The following GABRG1 variants were observed in gnomAD, a reference collection of about 807,000 sequenced individuals.
GABRG1 encodes the protein gamma-aminobutyric acid receptor subunit gamma-1.
Under a neutral mutation model 49.8 loss-of-function variants are expected in GABRG1, and 49 were observed. The ratio of observed to expected loss-of-function variants is 0.98; its 90% CI spans 0.78 to 1.25. The LOEUF (loss-of-function observed/expected upper bound fraction) is 1.25, where lower values mean the gene tolerates loss of function less well. Ranked by LOEUF, GABRG1 falls within the 50% of genes most tolerant of loss-of-function variation. The probability of loss-of-function intolerance (pLI) is 0.00; values close to 1 mark genes in which losing one functional copy is unlikely to be tolerated. For synonymous variants in GABRG1, 232 were observed against 185.1 expected (o/e 1.25, Z -2.06); for missense variants, 552 against 552.3 (o/e 1.00, Z 0.01).
intron 3 of GABRG1, among the ~76,000 whole-genome samples, chr4:46,065,943 C>T (rs1371514212): frequency 6.6e-6 from 1 of 152,038 alleles, no homozygotes; most frequent in South Asian, 2.1e-4. Flanking sequence ...AGGATGGTCT[C>T]GATCTCCTGA....
intron 8 of GABRG1, among the ~76,000 whole-genome samples, chr4:46,049,060 A>G (rs1029333545): frequency 1.3e-5 from 2 of 151,832 alleles, no homozygotes; most frequent in African/African-American, 2.4e-5. Flanking sequence ...TAAAGGGAAA[A>G]TGCTGGATTT....
intron 1 of GABRG1, among the ~76,000 whole-genome samples, chr4:46,102,804 T>A (rs1272742887): frequency 6.6e-6 from 1 of 151,532 alleles, no homozygotes; most frequent in African/African-American, 2.4e-5. Context: ...CAAACAAGAG[T>A]TTCAAAATAA....
rs537253832 is a variant in GABRG1, at chr4:46,081,371, T to C, written c.321+2615A>G. 3.9e-5 allele frequency among the ~76,000 whole-genome samples: 6 copies of C among 151,976 alleles called. 1 individual carries two copies. Among genetic ancestry groups the C allele is most frequent in the African/African-American group, 1.2e-4 (5 of 41,534 alleles). On this transcript the variant is annotated intron_variant, in intron 3 of 8. Transcript: ENST00000295452. The stretch of plus-strand genomic sequence containing the variant: ...TCAATTTATCCACAGCCAGTTCATA[T>C]TTTCTTGCACTAATGTGACAAAGAT...
chr4:46,090,145 G>A (rs1056061476), intron 2 of GABRG1, among the ~76,000 whole-genome samples: 6 of 151,948 alleles, frequency 3.9e-5, no homozygotes, highest in East Asian at 1.9e-4. Flanking sequence ...GACAGAAAGC[G>A]ATACATACAA....
At chr4:46,091,970 GA>G (rs1361193295) in intron 2 of GABRG1, among the ~76,000 whole-genome samples, 1 of 151,984 alleles carries the variant, frequency 6.6e-6, no homozygotes, top group African/African-American at 2.4e-5. Flanking sequence ...GATTAATGTT[GA>G]AATGTGACTT....
intron 3 of GABRG1, among the ~76,000 whole-genome samples, chr4:46,074,341 A>C (rs1486174426): frequency 6.6e-6 from 1 of 152,152 alleles, no homozygotes; most frequent in Non-Finnish European, 1.5e-5. Context: ...TAAATTATTT[A>C]TATTATTACC....
intron 2 of GABRG1, among the ~76,000 whole-genome samples, chr4:46,096,736 T>C (rs931628579): frequency 6.6e-6 from 1 of 151,648 alleles, no homozygotes; most frequent in Non-Finnish European, 1.5e-5. Flanking sequence ...GCATCATACC[T>C]ACTAGTGAAA....
At chr4:46,066,624 A>T (rs1177979407) in intron 3 of GABRG1, among the ~76,000 whole-genome samples, 1 of 152,144 alleles carries the variant, frequency 6.6e-6, no homozygotes, top group Non-Finnish European at 1.5e-5. Flanking sequence ...GTGAAGTCTG[A>T]TGGGTTCCAA....
chr4:46,065,910 G>C (rs1577643520), intron 3 of GABRG1, among the ~76,000 whole-genome samples: 1 of 152,048 alleles, frequency 6.6e-6, no homozygotes, highest in Non-Finnish European at 1.5e-5. Context: ...TTTTAGTAGA[G>C]AGGGGGTTTC....
chr4:46,087,738 A>G (rs1719833381), intron 2 of GABRG1, among the ~76,000 whole-genome samples: 6 of 151,934 alleles, frequency 3.9e-5, no homozygotes, highest in Admixed American at 3.3e-4. Flanking sequence ...TCCCTAGACT[A>G]TACAGCAGAA....
At chr4:46,087,049 C>T (rs887922218) in intron 2 of GABRG1, among the ~76,000 whole-genome samples, 15 of 151,540 alleles carry the variant, frequency 9.9e-5, no homozygotes, top group Admixed American at 4.0e-4. Flanking sequence ...TTTATTCAAC[C>T]GATACATTCA....
At chr4:46,095,572 T>G (rs1720139748) in intron 2 of GABRG1, among the ~76,000 whole-genome samples, 1 of 151,666 alleles carries the variant, frequency 6.6e-6, no homozygotes, top group South Asian at 2.1e-4. Context: ...GACTGAATAA[T>G]AGACTGGCAT....
rs951872828 is a variant in GABRG1, at chr4:46,035,786, CTT to C, written c.*5200_*5201del. The C allele has an allele frequency of 6.6e-6, 1 of 151,856 alleles. No individual in the cohort carries two copies. The highest frequency in any genetic ancestry group is 2.4e-5 in the African/African-American group (1 of 41,410). The allele number at this position is 151,856 out of a possible 1,614,324, so 9.4% of individuals were successfully genotyped here. A position where few individuals can be genotyped will look rare whatever the true frequency, so the allele number is the denominator to read the frequency against. ...AGACACAATTTAAGAGAATGTGACT[CTT>C]TATTTATAACAAGTTACTGGTATTT... On this transcript the variant is annotated 3_prime_UTR_variant, in exon 9 of 9. Transcript: ENST00000295452.
intron 5 of GABRG1, among the ~76,000 whole-genome samples, chr4:46,059,542 C>T (rs1718590429): frequency 6.6e-6 from 1 of 151,998 alleles, no homozygotes; most frequent in Non-Finnish European, 1.5e-5. Flanking sequence ...AGGTGCTTGC[C>T]AACACGAATG....
At chr4:46,056,908 C>T (rs1294325429) in intron 7 of GABRG1, among the ~76,000 whole-genome samples, 1 of 152,000 alleles carries the variant, frequency 6.6e-6, no homozygotes, top group African/African-American at 2.4e-5. Context: ...TAAGTTTATG[C>T]AAAAACGACT....
At chr4:46,121,488 C>T (rs1721088473) in intron 1 of GABRG1, among the ~76,000 whole-genome samples, 1 of 151,860 alleles carries the variant, frequency 6.6e-6, no homozygotes, top group South Asian at 2.1e-4. Context: ...GCTTTATTTC[C>T]TTTTAATTGC....
chr4:46,076,368 T>C (rs1388558816), intron 3 of GABRG1, among the ~76,000 whole-genome samples: 1 of 122,800 alleles, frequency 8.1e-6, no homozygotes, highest in Non-Finnish European at 1.8e-5. Flanking sequence ...TGTTCATATA[T>C]ATATATATAT....
At chr4:46,094,501 G>A (rs190751317) in intron 2 of GABRG1, among the ~76,000 whole-genome samples, 31 of 152,038 alleles carry the variant, frequency 2.0e-4, no homozygotes, top group East Asian at 1.4e-3. Flanking sequence ...ACATGTATTT[G>A]GAAACCAGCA....
intron 1 of GABRG1, among the ~76,000 whole-genome samples, chr4:46,119,801 C>T (rs904932991): frequency 6.6e-6 from 1 of 151,290 alleles, no homozygotes; most frequent in African/African-American, 2.4e-5. Context: ...TAGGTCTTAG[C>T]CATGAATAAG....
Sources: allele counts gnomAD v4.1 joint callset (sites outside exome capture counted in the v4.1 genomes callset), GRCh38; gene constraint gnomAD v4.1.1; transcripts MANE v1.5; gene names NCBI Gene and HGNC (gene_info 2026-07-23, HGNC 2026-07-21).